The following HMCES variants were observed in gnomAD, a reference collection of about 807,000 sequenced individuals.
The protein encoded by HMCES is 5-hydroxymethylcytosine binding, ES cell specific.
In HMCES, 27 loss-of-function variants were observed where a neutral mutation model predicts 35.1. That is an observed-to-expected ratio of 0.77 (90% CI 0.57 to 1.06). The LOEUF (loss-of-function observed/expected upper bound fraction) is 1.06. HMCES is among the 50% of genes least tolerant of loss of function. The pLI, the probability that HMCES is intolerant of heterozygous loss-of-function variation, is 0.00. For synonymous variants in HMCES, 130 were observed against 154.7 expected, an observed-to-expected ratio of 0.84 and a Z score of 1.18; for missense variants, 391 against 430.4, an observed-to-expected ratio of 0.91 and a Z score of 0.81.
Position 129,279,938 on chromosome 3 carries a change from A to T in HMCES, c.183+23A>T. On this transcript the variant is annotated intron_variant, in intron 2 of 6. Coordinates refer to ENST00000383463, the MANE Select transcript of HMCES (RefSeq NM_020187.3). This position sits in a 1 kb window ranked among gnomAD's most constrained non-coding sequence, Gnocchi z 4.2. ...AAGGTAACCAGCATTGCACTATGCT[A>T]GCCCCTCGCCCAGCCTCGTGATGGT... 1 of 1,526,120 alleles carries T rather than the reference A, an allele frequency of 6.6e-7. No individual in the cohort carries two copies. Among genetic ancestry groups the T allele is most frequent in the Non-Finnish European group, 8.8e-7 (1 of 1,137,282 alleles). The allele number at this position is 1,526,120 out of a possible 1,614,324, so 94.5% of individuals were successfully genotyped here. A position where few individuals can be genotyped will look rare whatever the true frequency, so the allele number is the denominator to read the frequency against.
At chr3:129,293,068 T>C (rs2071044315) in intron 4 of HMCES, among the ~76,000 whole-genome samples, 1 of 152,242 alleles carries the variant, frequency 6.6e-6, no homozygotes, top group Admixed American at 6.5e-5. Context: ...TTGTTTTGCA[T>C]ATACTCTAGT....
rs147824031 is a variant in HMCES, at chr3:129,301,744, T to C, written c.636-206T>C. Among the ~76,000 whole-genome samples, 622 of 152,304 alleles carry C rather than the reference T, an allele frequency of 4.1e-3. 5 individuals are homozygous for C. The highest frequency in any genetic ancestry group is 0.013 in the African/African-American group (551 of 41,556). On this transcript the variant is annotated intron_variant, in intron 5 of 6. Transcript: ENST00000383463. ...CTCTTCACTGTCTTTGCCATGAAAC[T>C]TTATAACATGGCTCTCCAGGTGTTG...
Position 129,279,605 on chromosome 3 carries a change from G to T in HMCES, c.-23-105G>T, listed in dbSNP as rs757363953. The T allele has an allele frequency of 3.0e-4, 341 of 1,137,688 alleles. No homozygotes were observed. The highest frequency in any genetic ancestry group is 3.9e-4 in the Non-Finnish European group (316 of 800,332). 70.5% of individuals were successfully genotyped at this position (1,137,688 alleles called of 1,614,324 possible). ...GGGAAGACTTTAGACGGTGGTCACG[G>T]AGGGGCACGGCCCTGTGGGAACGGA... On this transcript the variant is annotated intron_variant, in intron 1 of 6. Transcript: ENST00000383463. This position sits in a 1 kb window ranked among gnomAD's most constrained non-coding sequence, Gnocchi z 4.2.
intron 2 of HMCES, among the ~76,000 whole-genome samples, chr3:129,285,251 A>G (rs1940603924): frequency 6.6e-6 from 1 of 152,148 alleles, no homozygotes; most frequent in Non-Finnish European, 1.5e-5. Flanking sequence ...AGACAATTTT[A>G]TGATTTGTTT....
chr3:129,297,982 A>T (rs2071114082), intron 4 of HMCES, among the ~76,000 whole-genome samples: 1 of 152,204 alleles, frequency 6.6e-6, no homozygotes. Context: ...TGGGAAGGAC[A>T]TTTTGGGCAG....
chr3:129,280,039 A>G lies in HMCES; in HGVS notation c.183+124A>G, dbSNP rs573596282. On this transcript the variant is annotated intron_variant, in intron 2 of 6. Coordinates refer to ENST00000383463, the MANE Select transcript of HMCES (RefSeq NM_020187.3). ...AACCAGCCTTTACTGATATATTCTG[A>G]CTTCCAGTTGAGAACCTCTCTTGGC... 5 of 781,076 alleles carry G rather than the reference A, an allele frequency of 6.4e-6. No homozygotes were observed. In the South Asian group the frequency reaches 1.1e-4, roughly 18 times the overall value. The allele number at this position is 781,076 out of a possible 1,614,324, so 48.4% of individuals were successfully genotyped here. A position where few individuals can be genotyped will look rare whatever the true frequency, so the allele number is the denominator to read the frequency against.
At chr3:129,285,682 T>A (rs1456671939) in intron 2 of HMCES, among the ~76,000 whole-genome samples, 1 of 151,702 alleles carries the variant, frequency 6.6e-6, no homozygotes, top group Non-Finnish European at 1.5e-5. Context: ...CTCGATCTCC[T>A]GACCTCATGA....
At chr3:129,302,720 A>C (rs2071184575) in intron 6 of HMCES, among the ~76,000 whole-genome samples, 1 of 151,346 alleles carries the variant, frequency 6.6e-6, no homozygotes, top group East Asian at 2.0e-4. Flanking sequence ...CGTTTCAAAA[A>C]AAAGAAGCTT....
At chr3:129,285,127 T>C (rs58280009) in intron 2 of HMCES, among the ~76,000 whole-genome samples, 37,570 of 152,058 alleles carry the variant, frequency 0.25, 7,749 homozygotes, top group African/African-American at 0.57. Flanking sequence ...GGAACTCTGC[T>C]TTTACCCTAA....
Position 129,290,708 on chromosome 3 carries a change from C to T in HMCES, c.357C>T (p.Val119=), listed in dbSNP as rs146068597. The change falls in exon 4 of 7, where the codon GTC becomes GTT. Residue 119 remains valine (V), a synonymous_variant. Coordinates refer to ENST00000383463, the MANE Select transcript of HMCES (RefSeq NM_020187.3). The part of the protein sequence containing the change: ...KVPLGKGRRC[V]VLADGFYEWQ... ...CTCTGGGAAAGGGAAGACGCTGTGT[C>T]GTTTTAGCAGATGGATTCTATGAGT... is the stretch of plus-strand genomic sequence containing the variant. 8.4e-5 allele frequency: 136 copies of T among 1,613,276 alleles called. No individual in the cohort carries two copies. In the African/African-American group the frequency reaches 1.7e-3, roughly 20 times the overall value.
intron 2 of HMCES, among the ~76,000 whole-genome samples, chr3:129,285,804 A>G (rs62266892): frequency 0.12 from 18,568 of 150,624 alleles, 1,279 homozygotes; most frequent in Middle Eastern, 0.23. Flanking sequence ...ATCTCAGTTC[A>G]ATGCAACCTG....
intron 4 of HMCES, 87 bp from the exon 5 acceptor site, chr3:129,298,267 G>A (rs754937182): frequency 1.9e-5 from 22 of 1,172,994 alleles, no homozygotes; most frequent in South Asian, 2.6e-5. Context: ...AATGATTTCC[G>A]TGCTCTCGAG....
chr3:129,293,948 T>G lies in HMCES; in HGVS notation c.453+3144T>G, dbSNP rs987558659. 3.3e-5 allele frequency among the ~76,000 whole-genome samples: 5 copies of G among 152,336 alleles called. 1 individual carries two copies. In the South Asian group the frequency reaches 8.3e-4, roughly 25 times the overall value. On this transcript the variant is annotated intron_variant, in intron 4 of 6. Coordinates refer to ENST00000383463, the MANE Select transcript of HMCES (RefSeq NM_020187.3). Reference sequence around the variant, plus strand: ...GACAATCATTCTTTTAATTTGTGTTTAGAACATTTAATTTAATGTAATTAT... The same window carrying G: ...GACAATCATTCTTTTAATTTGTGTTGAGAACATTTAATTTAATGTAATTAT...
intron 4 of HMCES, among the ~76,000 whole-genome samples, chr3:129,293,561 CTTTTTTTTTTT>C (rs60989412): frequency 2.3e-5 from 2 of 86,706 alleles, no homozygotes; most frequent in Non-Finnish European, 4.6e-5. Flanking sequence ...TACATTAATT[CTTTTTTTTTTT>C]TTTTTTTTTT....
In HMCES at chr3:129,293,561, C is replaced by CTT. The variant is rs60989412; in HGVS notation, c.453+2782_453+2783dup. On this transcript the variant is annotated intron_variant, in intron 4 of 6. Coordinates refer to ENST00000383463, the MANE Select transcript of HMCES (RefSeq NM_020187.3). ...TGTATTAGCTTAATATACATTAATTCTTTTTTTTTTTTTTTTTTTTTTTTT... is the reference window on the plus strand; with the variant it reads ...TGTATTAGCTTAATATACATTAATTCTTTTTTTTTTTTTTTTTTTTTTTTTTT... Among the ~76,000 whole-genome samples, 393 of 86,710 alleles carry CTT rather than the reference C, an allele frequency of 4.5e-3. 27 individuals carry two copies. The highest frequency in any genetic ancestry group is 7.5e-3 in the Middle Eastern group (1 of 134). The allele number at this position is 86,710 out of a possible 152,430, so 56.9% of individuals were successfully genotyped here. A position where few individuals can be genotyped will look rare whatever the true frequency, so the allele number is the denominator to read the frequency against.
intron 2 of HMCES, among the ~76,000 whole-genome samples, chr3:129,285,442 T>A (rs1385035912): frequency 6.6e-6 from 1 of 152,002 alleles, no homozygotes; most frequent in African/African-American, 2.4e-5. Context: ...ACCTCATAAG[T>A]AGCAGAGAAA....
At chr3:129,285,855 G>A (rs1443961601) in intron 2 of HMCES, among the ~76,000 whole-genome samples, 23 of 151,264 alleles carry the variant, frequency 1.5e-4, no homozygotes. Context: ...TCAGCCTCCC[G>A]AGTAACTGGG....
rs755963170 is a variant in HMCES at position 129,304,814 on chromosome 3, T to TA, written c.1055dup (p.Tyr352Ter). ...KEEEPVAKRP[Y>*]SQ is the part of the protein sequence containing the mutation. ...GGAGGAACCTGTGGCCAAGCGTCCT[T>TA]ACAGCCAGTGACACAGGACTTTCAG... Residue 352 changes from tyrosine to a stop codon, truncating the protein, a stop_gained and frameshift_variant, in exon 7 of 7, where the codon TAC (tyrosine) becomes TAAC (stop). Coordinates refer to ENST00000383463, the MANE Select transcript of HMCES (RefSeq NM_020187.3). LOFTEE classifies it high-confidence loss of function. 1.4e-5 allele frequency: 23 copies of TA among 1,613,962 alleles called. No individual in the cohort carries two copies. The highest frequency in any genetic ancestry group is 1.8e-5 in the Non-Finnish European group (21 of 1,179,838).
At chr3:129,284,772 C>T (rs1001230187) in intron 2 of HMCES, among the ~76,000 whole-genome samples, 2 of 152,120 alleles carry the variant, frequency 1.3e-5, no homozygotes, top group African/African-American at 4.8e-5. Flanking sequence ...ATTAGCTGGG[C>T]GTAGTGGCAC....
Sources: allele counts gnomAD v4.1 joint callset (sites outside exome capture counted in the v4.1 genomes callset), GRCh38; gene constraint gnomAD v4.1.1; non-coding constraint Gnocchi (gnomAD v3.1); transcripts MANE v1.5; gene names NCBI Gene and HGNC (gene_info 2026-07-23, HGNC 2026-07-21).